Variants in LOC122539214 observed in about 807,000 individuals in gnomAD.
At chr19:52,655,542 G>C in the LOC122539214 span, 1 of 1,474,202 alleles carries the variant, frequency 6.8e-7, no homozygotes, top group Non-Finnish European at 9.5e-7. Context: ...CCTCACATCA[G>C]GAGGGACATT....
the LOC122539214 span, among the ~76,000 whole-genome samples, chr19:52,658,975 T>G: frequency 6.6e-6 from 1 of 152,220 alleles, no homozygotes; most frequent in Non-Finnish European, 1.5e-5. Flanking sequence ...TGCGAGCTGC[T>G]CAGGGCCGGC....
the LOC122539214 span, among the ~76,000 whole-genome samples, chr19:52,677,439 T>C: frequency 6.6e-6 from 1 of 151,590 alleles, no homozygotes. Context: ...TGAGCTGAGA[T>C]GTGGCCACTT....
chr19:52,672,203 C>T, the LOC122539214 span, among the ~76,000 whole-genome samples: 1 of 152,078 alleles, frequency 6.6e-6, no homozygotes, highest in Non-Finnish European at 1.5e-5. Flanking sequence ...CACAGCTCTC[C>T]AGCCTGAGCA....
At chr19:52,655,198 C>A in the LOC122539214 span, 1 of 217,016 alleles carries the variant, frequency 4.6e-6, no homozygotes. Flanking sequence ...AAAAACAAAA[C>A]AAAACAAAAG....
At chr19:52,668,073 T>A in the LOC122539214 span, among the ~76,000 whole-genome samples, 1 of 152,248 alleles carries the variant, frequency 6.6e-6, no homozygotes, top group Non-Finnish European at 1.5e-5. Context: ...AGAAATTATA[T>A]ACTTGGTTTA....
At chr19:52,653,599 C>G in the LOC122539214 span, among the ~76,000 whole-genome samples, 1 of 152,144 alleles carries the variant, frequency 6.6e-6, no homozygotes, top group East Asian at 1.9e-4. Flanking sequence ...TCTACGATGC[C>G]CTACAAGGGA....
chr19:52,678,850 C>T, the LOC122539214 span, among the ~76,000 whole-genome samples: 1 of 151,896 alleles, frequency 6.6e-6, no homozygotes, highest in South Asian at 2.1e-4. Context: ...TGGTACATGC[C>T]TGTAATCCCA....
At chr19:52,676,106 G>C in the LOC122539214 span, among the ~76,000 whole-genome samples, 7 of 152,100 alleles carry the variant, frequency 4.6e-5, no homozygotes, top group African/African-American at 9.7e-5. Flanking sequence ...TCAGCCTGCT[G>C]AGTGCCTGCA....
At chr19:52,684,025 C>T in the LOC122539214 span, among the ~76,000 whole-genome samples, 1 of 151,996 alleles carries the variant, frequency 6.6e-6, no homozygotes, top group Non-Finnish European at 1.5e-5. Context: ...CCTGAGGTCA[C>T]GAGTTTGAGA....
At chr19:52,673,189 A>G in the LOC122539214 span, among the ~76,000 whole-genome samples, 1 of 152,172 alleles carries the variant, frequency 6.6e-6, no homozygotes, top group Non-Finnish European at 1.5e-5. Flanking sequence ...AGACTGTGCG[A>G]AAGAGCTGGA....
At chr19:52,659,613 C>CAAAAA in the LOC122539214 span, among the ~76,000 whole-genome samples, 80 of 114,266 alleles carry the variant, frequency 7.0e-4, no homozygotes, top group African/African-American at 1.2e-3. Context: ...GACTCCAACT[C>CAAAAA]AAAAAAAAAA....
At chr19:52,668,175 C>T in the LOC122539214 span, among the ~76,000 whole-genome samples, 2 of 152,238 alleles carry the variant, frequency 1.3e-5, no homozygotes, top group South Asian at 2.1e-4. Context: ...CTGGGGATGA[C>T]GTTCTCATCA....
the LOC122539214 span, among the ~76,000 whole-genome samples, chr19:52,684,224 C>A: frequency 2.6e-5 from 4 of 152,014 alleles, no homozygotes; most frequent in East Asian, 7.7e-4. Flanking sequence ...TAAAAAGTAG[C>A]CTGGCTTGGT....
chr19:52,679,133 G>T, the LOC122539214 span, among the ~76,000 whole-genome samples: 1 of 152,200 alleles, frequency 6.6e-6, no homozygotes, highest in Non-Finnish European at 1.5e-5. Flanking sequence ...ACACATATTG[G>T]TGTGAAAAAT....
the LOC122539214 span, chr19:52,651,796 T>C: frequency 6.5e-6 from 1 of 154,114 alleles, no homozygotes; most frequent in South Asian, 2.0e-4. Flanking sequence ...CTCAAACTGC[T>C]GACCTCAAGT....
chr19:52,686,457 T>C, the LOC122539214 span, among the ~76,000 whole-genome samples: 2 of 48,454 alleles, frequency 4.1e-5, no homozygotes, highest in Non-Finnish European at 7.4e-5. Context: ...GCAAAAAAAT[T>C]ACATATATAT....
the LOC122539214 span, among the ~76,000 whole-genome samples, chr19:52,672,011 T>C: frequency 6.6e-6 from 1 of 152,128 alleles, no homozygotes; most frequent in Non-Finnish European, 1.5e-5. Context: ...GGCAGGTGGA[T>C]GACCCAGAGG....
the LOC122539214 span, among the ~76,000 whole-genome samples, chr19:52,679,631 A>G: frequency 1.3e-5 from 2 of 152,022 alleles, no homozygotes; most frequent in Non-Finnish European, 2.9e-5. Flanking sequence ...TAAATAAAAG[A>G]AAGCATGACA....
chr19:52,660,776 TC>T, the LOC122539214 span: 1 of 214,118 alleles, frequency 4.7e-6, no homozygotes. Flanking sequence ...GGAAGAGCCA[TC>T]CTTGTCTCCT....
Sources: allele counts gnomAD v4.1 joint callset (sites outside exome capture counted in the v4.1 genomes callset), GRCh38; gene constraint gnomAD v4.1.1; transcripts MANE v1.5.